TLCD3B: variants seen among roughly 807,000 people sequenced by gnomAD.
The protein encoded by TLCD3B is ceramide synthase.
TLCD3B carries 9 observed loss-of-function variants against 23.0 expected under a neutral mutation model. That is an observed-to-expected ratio of 0.39 (90% CI 0.24 to 0.68). The LOEUF is 0.68. Among genes scored for constraint, TLCD3B ranks in the 30% least tolerant of loss-of-function variants. TLCD3B has a pLI of 0.44. For missense variants in TLCD3B, 307 were observed against 371.8 expected, an observed-to-expected ratio of 0.83 and a Z score of 1.43; for synonymous variants, 161 against 161.0, an observed-to-expected ratio of 1.00 and a Z score of 0.00.
upstream of TLCD3B, among the ~76,000 whole-genome samples, chr16:30,034,741 A>C (rs771406589): frequency 2.0e-5 from 3 of 152,126 alleles, no homozygotes; most frequent in Non-Finnish European, 4.4e-5. Context: ...TATCTGCAGC[A>C]GTTTTCAACC....
At chr16:30,046,999 C>T (rs745896742) in intron 1 of TLCD3B, among the ~76,000 whole-genome samples, 3 of 152,154 alleles carry the variant, frequency 2.0e-5, no homozygotes, top group East Asian at 1.9e-4. Context: ...CTCGATCTGT[C>T]GTCCAGGCTG....
chr16:30,035,461 G>A (rs1322032554), upstream of TLCD3B: 3 of 1,289,404 alleles, frequency 2.3e-6, no homozygotes, highest in East Asian at 5.5e-5. Context: ...AACCCACTGC[G>A]AACAGCAGGG....
At chr16:30,026,470 C>A in intron 3 of TLCD3B, 139 bp downstream of exon 3, 1 of 764,134 alleles carries the variant, frequency 1.3e-6, no homozygotes, top group Non-Finnish European at 2.1e-6. Flanking sequence ...CCCTGCCTGT[C>A]CACAGCTTTC....
chr16:30,045,819 C>T (rs745998586), intron 2 of TLCD3B, among the ~76,000 whole-genome samples: 1 of 150,898 alleles, frequency 6.6e-6, no homozygotes, highest in African/African-American at 2.4e-5. Flanking sequence ...GAACCCTTGT[C>T]GGGTGGTCAA....
At chr16:30,048,374 G>T (rs2071704707) in intron 1 of TLCD3B, among the ~76,000 whole-genome samples, 1 of 151,872 alleles carries the variant, frequency 6.6e-6, no homozygotes, top group African/African-American at 2.4e-5. Context: ...GCTTCCCAAA[G>T]TGCTGGGGGA....
At chr16:30,028,806 C>A (rs945966691) in intron 2 of TLCD3B, among the ~76,000 whole-genome samples, 1 of 152,188 alleles carries the variant, frequency 6.6e-6, no homozygotes, top group African/African-American at 2.4e-5. Flanking sequence ...CCGTGGGTCA[C>A]CTAGGGCGGC....
At chr16:30,032,362 G>T (rs1269432913), upstream of TLCD3B, among the ~76,000 whole-genome samples, 1 of 152,128 alleles carries the variant, frequency 6.6e-6, no homozygotes. Context: ...CCCACTCCTC[G>T]CCTCCCCCAA....
chr16:30,025,204 C>T lies in TLCD3B; in HGVS notation c.804G>A (p.Pro268=), dbSNP rs190450152. Residue 268 remains proline, a synonymous_variant, in exon 5 of 5, where the codon CCG becomes CCA. Transcript: ENST00000380495. The surrounding 1 kb of genome is among the most constrained non-coding windows in gnomAD (Gnocchi z 4.1). The stretch of plus-strand genomic sequence containing the variant: ...GGCCTCAGTCCTGGGCCTGGCAGGC[C>T]GGGGGCGGCCGGGAGCGGGGCCAGA... ...RLFWPRSRPP[P]ACQAQD is the part of the protein sequence containing the mutation. 2.2e-4 allele frequency: 331 copies of T among 1,485,108 alleles called. No individual in the cohort carries two copies. Among genetic ancestry groups the T allele is most frequent in the African/African-American group, 1.8e-3 (130 of 70,324 alleles). The allele number at this position is 1,485,108 out of a possible 1,614,324, so 92.0% of individuals were successfully genotyped here.
In TLCD3B at chr16:30,030,715, G is replaced by A; in HGVS notation, c.-188C>T. 1 of 1,175,236 alleles carries A rather than the reference G, an allele frequency of 8.5e-7. No homozygotes were observed. The highest frequency in any genetic ancestry group is 1.1e-6 in the Non-Finnish European group (1 of 946,406). The allele number at this position is 1,175,236 out of a possible 1,614,324, so 72.8% of individuals were successfully genotyped here. The stretch of plus-strand genomic sequence containing the variant: ...GAGTCCGATGAAACTGGGGAGTCGG[G>A]AGGGGGCTGGCTGGGCAGAGACGGG... On this transcript the variant is annotated 5_prime_UTR_variant, in exon 1 of 5. Transcript: ENST00000380495.
upstream of TLCD3B, among the ~76,000 whole-genome samples, chr16:30,034,912 TTTC>T (rs2071437882): frequency 8.0e-6 from 1 of 125,034 alleles, no homozygotes; most frequent in Non-Finnish European, 1.7e-5. Flanking sequence ...TTTTTTTCTT[TTTC>T]TTTTTTTTTT....
At chr16:30,052,050 T>C (rs1338468755) in intron 1 of TLCD3B, among the ~76,000 whole-genome samples, 1 of 151,682 alleles carries the variant, frequency 6.6e-6, no homozygotes, top group African/African-American at 2.4e-5. Flanking sequence ...CTTAACAACA[T>C]AGCAAGACCA....
Position 30,029,839 on chromosome 16 carries a change from C to G in TLCD3B, c.126-324G>C, listed in dbSNP as rs752139628. On this transcript the variant is annotated intron_variant, in intron 1 of 4. Transcript: ENST00000380495. This position sits in a 1 kb window ranked among gnomAD's most constrained non-coding sequence, Gnocchi z 4.6. ...GTGAGACTGAGAGTGAACTGCTGGC[C>G]TGGACCTCTCCCCACGAGGGGAGCC... is the stretch of plus-strand genomic sequence containing the variant. 5.9e-5 allele frequency among the ~76,000 whole-genome samples: 9 copies of G among 152,220 alleles called. No homozygotes were observed. Among genetic ancestry groups the G allele is most frequent in the Non-Finnish European group, 8.8e-5 (6 of 68,034 alleles).
At chr16:30,045,102 A>C (rs2071640879) in intron 2 of TLCD3B, among the ~76,000 whole-genome samples, 1 of 150,478 alleles carries the variant, frequency 6.6e-6, no homozygotes, top group African/African-American at 2.4e-5. Flanking sequence ...CAAAAAAAAA[A>C]AAAAAAAAAA....
At chr16:30,032,328 A>G (rs2071380191), upstream of TLCD3B, among the ~76,000 whole-genome samples, 1 of 152,040 alleles carries the variant, frequency 6.6e-6, no homozygotes, top group Non-Finnish European at 1.5e-5. Context: ...AGTCAACCCT[A>G]TGGTTTGCCT....
chr16:30,026,762 C>A lies in TLCD3B; in HGVS notation c.291G>T (p.Trp97Cys), dbSNP rs2071160366. Residue 97 changes from tryptophan to cysteine, a missense_variant, in exon 3 of 5, where the codon TGG (tryptophan) becomes TGT (cysteine). Trp to Cys is a radical substitution (Grantham distance 215). Coordinates refer to ENST00000380495, the MANE Select transcript of TLCD3B (RefSeq NM_031478.6). ...YDIYAMFLCH[W>C]HKHQVKGHGG... is the part of the protein sequence containing the mutation. ...CATGCCCTTTGACCTGGTGCTTGTGCCAGTGACAGAGGAACATGGCGTAGA... is the reference window on the plus strand; with the variant it reads ...CATGCCCTTTGACCTGGTGCTTGTGACAGTGACAGAGGAACATGGCGTAGA... The A allele has an allele frequency of 1.2e-6, 2 of 1,613,980 alleles. No homozygotes were observed. The highest frequency in any genetic ancestry group is 1.7e-6 in the Non-Finnish European group (2 of 1,180,028).
chr16:30,025,545 C>T lies in TLCD3B; in HGVS notation c.541-78G>A, dbSNP rs1391510013. On this transcript the variant is annotated intron_variant, in intron 4 of 4. Transcript: ENST00000380495. This position sits in a 1 kb window ranked among gnomAD's most constrained non-coding sequence, Gnocchi z 4.1. Reference sequence around the variant, plus strand: ...TGGCCCTCTCCCTGCCTCCCTGCGACCCTAGCAGGCAGCTCCTCCCAAACC... The same window carrying T: ...TGGCCCTCTCCCTGCCTCCCTGCGATCCTAGCAGGCAGCTCCTCCCAAACC... 3 of 1,572,438 alleles carry T rather than the reference C, an allele frequency of 1.9e-6. No homozygotes were observed. Among genetic ancestry groups the T allele is most frequent in the Non-Finnish European group, 1.7e-6 (2 of 1,148,190 alleles).
chr16:30,030,126 G>C (rs747553939), intron 1 of TLCD3B: 3 of 1,458,386 alleles, frequency 2.1e-6, no homozygotes. Context: ...TGTCTTCGCC[G>C]CATGCTGGCC....
chr16:30,048,719 G>C (rs749413723), intron 1 of TLCD3B, among the ~76,000 whole-genome samples: 2 of 151,474 alleles, frequency 1.3e-5, no homozygotes, highest in Admixed American at 6.6e-5. Context: ...TGATTCTCCT[G>C]CCTCAGCCTC....
chr16:30,037,116 A>T (rs988009366), intron 3 of TLCD3B, among the ~76,000 whole-genome samples: 2 of 146,566 alleles, frequency 1.4e-5, no homozygotes, highest in Non-Finnish European at 3.0e-5. Flanking sequence ...ATAATAAAAT[A>T]AAAAAAAAAC....
Sources: gnomAD v4.1 joint callset for allele counts (sites outside exome capture counted in the v4.1 genomes callset) on GRCh38, gnomAD v4.1.1 for gene constraint, Gnocchi (gnomAD v3.1) non-coding constraint, MANE v1.5 for transcripts, NCBI Gene and HGNC (gene_info 2026-07-23, HGNC 2026-07-21) for gene names.